MRRF: variants seen among roughly 807,000 people sequenced by gnomAD.
MRRF encodes mitochondrial ribosome recycling factor.
MRRF carries 18 observed loss-of-function variants against 25.1 expected under a neutral mutation model. The observed-to-expected ratio is 0.72, with a 90% CI of 0.50 to 1.06. The LOEUF (loss-of-function observed/expected upper bound fraction) is 1.06. Among genes scored for constraint, MRRF ranks in the 50% least tolerant of loss-of-function variants. The pLI is 0.00. For synonymous variants in MRRF, 113 were observed against 112.1 expected, an observed-to-expected ratio of 1.01 and a Z score of -0.05; for missense variants, 323 against 319.3, an observed-to-expected ratio of 1.01 and a Z score of -0.09.
At chr9:122,293,040 A>G (rs757422014) in intron 5 of MRRF, among the ~76,000 whole-genome samples, 8 of 152,204 alleles carry the variant, frequency 5.3e-5, no homozygotes, top group Non-Finnish European at 8.8e-5. Flanking sequence ...GGCTTCCCTG[A>G]TAGTTGCATA....
intron 5 of MRRF, among the ~76,000 whole-genome samples, chr9:122,301,278 G>A (rs1834437600): frequency 6.6e-6 from 1 of 152,178 alleles, no homozygotes; most frequent in Admixed American, 6.5e-5. Flanking sequence ...ATGATAACCA[G>A]GTTTTTCCAG....
chr9:122,309,621 C>G (rs745658691), intron 5 of MRRF, among the ~76,000 whole-genome samples: 27 of 152,310 alleles, frequency 1.8e-4, no homozygotes, highest in Non-Finnish European at 2.8e-4. Context: ...CTCTATATGT[C>G]TTTATGGTGC....
chr9:122,308,050 G>T (rs1834970445), intron 5 of MRRF, among the ~76,000 whole-genome samples: 1 of 152,222 alleles, frequency 6.6e-6, no homozygotes. Flanking sequence ...ACATGCTCAA[G>T]GAATTTTTCA....
rs776774424 is a variant in MRRF at position 122,308,699 on chromosome 9, CAAAA to C, written c.552-4508_552-4505del. 1.5e-4 allele frequency among the ~76,000 whole-genome samples: 9 copies of C among 60,106 alleles called. No homozygotes were observed. The East Asian group carries it at 1.9e-3, about 13-fold the overall frequency. The allele number at this position is 60,106 out of a possible 152,430, so 39.4% of individuals were successfully genotyped here. On this transcript the variant is annotated intron_variant, in intron 5 of 6. Coordinates refer to ENST00000344641, the MANE Select transcript of MRRF (RefSeq NM_138777.5). ...GGGTGACAGAGCAAGACTCCATCTC[CAAAA>C]AAAAAAAAAAAAAAAAAAAGATGGG...
At chr9:122,290,001 C>A (rs1425765187) in intron 4 of MRRF, among the ~76,000 whole-genome samples, 1 of 151,504 alleles carries the variant, frequency 6.6e-6, no homozygotes, top group African/African-American at 2.4e-5. Flanking sequence ...CTGCAGTGAG[C>A]CGTGATTATG....
chr9:122,312,673 T>C (rs565756087), intron 5 of MRRF, among the ~76,000 whole-genome samples: 14 of 152,364 alleles, frequency 9.2e-5, no homozygotes, highest in Non-Finnish European at 1.6e-4. Context: ...TCTGACTTTG[T>C]ATAAGGTACC....
chr9:122,296,837 G>T (rs1050363710), intron 5 of MRRF, among the ~76,000 whole-genome samples: 2 of 152,118 alleles, frequency 1.3e-5, no homozygotes, highest in African/African-American at 4.8e-5. Context: ...GTGGTGCTTT[G>T]GTTTGAGATT....
At chr9:122,283,361 G>A (rs1833196173) in intron 3 of MRRF, among the ~76,000 whole-genome samples, 1 of 152,106 alleles carries the variant, frequency 6.6e-6, no homozygotes, top group Admixed American at 6.5e-5. Context: ...CCAAAGTGCT[G>A]GGATTACAGG....
In MRRF at chr9:122,318,259, G is replaced by A. The variant is rs146206741; in HGVS notation, c.712-4281G>A. 2.2e-4 allele frequency among the ~76,000 whole-genome samples: 34 copies of A among 151,236 alleles called. No homozygotes were observed. In the East Asian group the frequency reaches 6.4e-3, roughly 29 times the overall value. ...ACTTCCCAACCCGCATTCCAGGCAA[G>A]CTCTGCTGAAGAAGGACCGAGGTCT... On this transcript the variant is annotated intron_variant, in intron 6 of 6. Coordinates refer to ENST00000344641, the MANE Select transcript of MRRF (RefSeq NM_138777.5).
chr9:122,265,840 T>TA, intron 1 of MRRF: 9 of 1,006,128 alleles, frequency 8.9e-6, no homozygotes, highest in Non-Finnish European at 1.2e-5. Context: ...CTCTACCTGT[T>TA]AAAGTGTCTC....
At chr9:122,310,140 A>G (rs1453556666) in intron 5 of MRRF, among the ~76,000 whole-genome samples, 1 of 152,176 alleles carries the variant, frequency 6.6e-6, no homozygotes, top group Non-Finnish European at 1.5e-5. Context: ...TTTGTTTTTA[A>G]TTTCTGTTTC....
At chr9:122,297,210 A>C (rs1834144481) in intron 5 of MRRF, among the ~76,000 whole-genome samples, 1 of 152,058 alleles carries the variant, frequency 6.6e-6, no homozygotes, top group African/African-American at 2.4e-5. Flanking sequence ...CTACTCAGGA[A>C]GCTGAGGTGA....
intron 5 of MRRF, among the ~76,000 whole-genome samples, chr9:122,305,154 T>C (rs565997275): frequency 1.3e-5 from 2 of 152,208 alleles, no homozygotes; most frequent in South Asian, 4.2e-4. Flanking sequence ...CTCACACTTG[T>C]AATCCCAGCA....
chr9:122,283,531 C>A (rs1268352202), intron 3 of MRRF, among the ~76,000 whole-genome samples: 1 of 152,194 alleles, frequency 6.6e-6, no homozygotes, highest in East Asian at 1.9e-4. Flanking sequence ...TTCAGAATAA[C>A]AAAGACTTTT....
intron 3 of MRRF, among the ~76,000 whole-genome samples, chr9:122,282,876 CAGAGA>C (rs1376716541): frequency 6.6e-6 from 1 of 152,008 alleles, no homozygotes; most frequent in African/African-American, 2.4e-5. Flanking sequence ...TTTATCTGAA[CAGAGA>C]AGAGTGTTCT....
intron 6 of MRRF, among the ~76,000 whole-genome samples, chr9:122,321,659 A>G (rs1015308669): frequency 1.3e-5 from 2 of 152,112 alleles, no homozygotes; most frequent in African/African-American, 4.8e-5. Context: ...TTTTGCTATG[A>G]TAGCTGAATT....
At chr9:122,294,951 C>T (rs747719509) in intron 5 of MRRF, among the ~76,000 whole-genome samples, 4 of 152,082 alleles carry the variant, frequency 2.6e-5, no homozygotes, top group Non-Finnish European at 4.4e-5. Flanking sequence ...GGTCGAGCAC[C>T]TACTATGTGC....
rs1349238594 is a variant in MRRF at position 122,328,829 on chromosome 9, C to T, written c.*6212C>T. On this transcript the variant is annotated 3_prime_UTR_variant, in exon 7 of 7. Transcript: ENST00000344641. ...TAAACAAATAAGTGATTATCTCTGT[C>T]TGCCTCTTTGTCTCTCTCTCTCTCT... The T allele has an allele frequency of 6.6e-6, 1 of 151,844 alleles. No individual in the cohort carries two copies. The highest frequency in any genetic ancestry group is 1.5e-5 in the Non-Finnish European group (1 of 67,972). 9.4% of individuals were successfully genotyped at this position (151,844 alleles called of 1,614,324 possible).
rs990826379 is a variant in MRRF at position 122,326,434 on chromosome 9, G to C, written c.*3817G>C. 1 of 151,934 alleles carries C rather than the reference G, an allele frequency of 6.6e-6. No homozygotes were observed. Among genetic ancestry groups the C allele is most frequent in the Non-Finnish European group, 1.5e-5 (1 of 67,962 alleles). 9.4% of individuals were successfully genotyped at this position (151,934 alleles called of 1,614,324 possible). On this transcript the variant is annotated 3_prime_UTR_variant, in exon 7 of 7. Transcript: ENST00000344641. Reference sequence around the variant, plus strand: ...CCATATAATTTTTTAGAAGGAGAGAGGGGAACTATTCATATTCTGATGTTT... The same window carrying C: ...CCATATAATTTTTTAGAAGGAGAGACGGGAACTATTCATATTCTGATGTTT...
Sources: gnomAD v4.1 joint callset for allele counts (sites outside exome capture counted in the v4.1 genomes callset) on GRCh38, gnomAD v4.1.1 for gene constraint, MANE v1.5 for transcripts, NCBI Gene and HGNC (gene_info 2026-07-23, HGNC 2026-07-21) for gene names.